SLC35F3: variants seen among roughly 807,000 people sequenced by gnomAD.
SLC35F3 encodes putative thiamine transporter SLC35F3.
A neutral mutation model predicts 49.9 loss-of-function variants in SLC35F3; 25 were observed. That is an observed-to-expected ratio of 0.50 (90% CI 0.37 to 0.70). The LOEUF (loss-of-function observed/expected upper bound fraction) is 0.70, where lower values mean the gene tolerates loss of function less well. Among genes scored for constraint, SLC35F3 ranks in the 30% least tolerant of loss-of-function variants. The pLI is 0.00. For synonymous variants in SLC35F3, 275 were observed against 265.4 expected (o/e 1.04, Z -0.35); for missense variants, 525 against 639.8 (o/e 0.82, Z 1.94).
chr1:233,932,627 T>C (rs190100865), intron 2 of SLC35F3, among the ~76,000 whole-genome samples: 143 of 152,324 alleles, frequency 9.4e-4, no homozygotes, highest in Admixed American at 1.6e-3. Context: ...AGCTATGTTA[T>C]ACCACAATTT....
At chr1:233,940,352 A>G (rs1412295226) in intron 2 of SLC35F3, among the ~76,000 whole-genome samples, 1 of 112,186 alleles carries the variant, frequency 8.9e-6, no homozygotes, top group African/African-American at 3.6e-5. Flanking sequence ...AGGGATACAG[A>G]CACACACACA....
chr1:234,011,775 T>C (rs1663724048), intron 2 of SLC35F3, among the ~76,000 whole-genome samples: 2 of 152,144 alleles, frequency 1.3e-5, no homozygotes, highest in South Asian at 2.1e-4. Flanking sequence ...AACATCACTA[T>C]TCAAGGACCT....
chr1:234,114,851 G>A (rs996146099), intron 2 of SLC35F3, among the ~76,000 whole-genome samples: 2 of 152,094 alleles, frequency 1.3e-5, no homozygotes, highest in African/African-American at 4.8e-5. Context: ...GGGTCATCTT[G>A]AGATGCGGCG....
intron 2 of SLC35F3, among the ~76,000 whole-genome samples, chr1:233,965,058 A>G (rs1170826242): frequency 1.3e-5 from 2 of 152,204 alleles, no homozygotes; most frequent in Non-Finnish European, 2.9e-5. Context: ...AAAGAAATAC[A>G]GGATTAGGTC....
At chr1:233,969,088 A>G (rs182792807) in intron 2 of SLC35F3, among the ~76,000 whole-genome samples, 1 of 152,108 alleles carries the variant, frequency 6.6e-6, no homozygotes, top group Non-Finnish European at 1.5e-5. Context: ...TCAACCCATA[A>G]CATAGAGTAT....
chr1:234,282,560 C>T (rs1468426331), intron 3 of SLC35F3, among the ~76,000 whole-genome samples: 2 of 152,202 alleles, frequency 1.3e-5, no homozygotes, highest in Non-Finnish European at 2.9e-5. Flanking sequence ...GCCCCAGCGA[C>T]CAGGTGTGTC....
intron 2 of SLC35F3, among the ~76,000 whole-genome samples, chr1:234,207,538 A>T (rs371861305): frequency 2.3e-5 from 2 of 87,232 alleles, no homozygotes; most frequent in East Asian, 6.5e-4. Flanking sequence ...TGACAATTGT[A>T]ATACCTAGGA....
chr1:234,100,315 T>C lies in SLC35F3; in HGVS notation c.284-131102T>C, dbSNP rs535889270. ...TTCTCCAACGTCTGCCGAGAAACAGTCCCTCAGGCTTTGCTACAATATTTC... is the reference window on the plus strand; with the variant it reads ...TTCTCCAACGTCTGCCGAGAAACAGCCCCTCAGGCTTTGCTACAATATTTC... On this transcript the variant is annotated intron_variant, in intron 2 of 7. Transcript: ENST00000366618. Among the ~76,000 whole-genome samples, 84 of 152,308 alleles carry C rather than the reference T, an allele frequency of 5.5e-4. No individual in the cohort carries two copies. The South Asian group carries it at 0.017, about 30-fold the overall frequency.
chr1:234,106,274 G>A (rs918128578), intron 2 of SLC35F3, among the ~76,000 whole-genome samples: 2 of 152,226 alleles, frequency 1.3e-5, no homozygotes, highest in African/African-American at 4.8e-5. Flanking sequence ...AGTGTCTGCT[G>A]GGGACTTCTG....
intron 3 of SLC35F3, among the ~76,000 whole-genome samples, chr1:234,292,643 G>A (rs539538961): frequency 6.6e-6 from 1 of 152,320 alleles, no homozygotes; most frequent in Non-Finnish European, 1.5e-5. Context: ...GTCTTGGAAT[G>A]GGAAAGGGCC....
At chr1:234,047,698 T>C (rs1481940077) in intron 2 of SLC35F3, among the ~76,000 whole-genome samples, 2 of 151,162 alleles carry the variant, frequency 1.3e-5, no homozygotes, top group Non-Finnish European at 3.0e-5. Context: ...CACACATACA[T>C]ACACACACAC....
chr1:234,114,624 T>A, intron 2 of SLC35F3, among the ~76,000 whole-genome samples: 1 of 152,236 alleles, frequency 6.6e-6, no homozygotes, highest in East Asian at 1.9e-4. Context: ...AGAATTGAGA[T>A]TTAATTCTTT....
intron 2 of SLC35F3, among the ~76,000 whole-genome samples, chr1:234,140,991 T>G (rs1471823267): frequency 6.6e-6 from 1 of 152,182 alleles, no homozygotes; most frequent in African/African-American, 2.4e-5. Context: ...AGCTGTTAAT[T>G]GGACTAGATT....
At chr1:234,277,020 T>C (rs1668223262) in intron 3 of SLC35F3, among the ~76,000 whole-genome samples, 1 of 152,216 alleles carries the variant, frequency 6.6e-6, no homozygotes, top group Non-Finnish European at 1.5e-5. Context: ...GGGCTTTCTC[T>C]GAACACTCAT....
chr1:233,999,496 T>C (rs1331851419), intron 2 of SLC35F3, among the ~76,000 whole-genome samples: 10 of 152,212 alleles, frequency 6.6e-5, no homozygotes, highest in Admixed American at 6.5e-4. Context: ...TGATCTCTGC[T>C]GTTCCGTGTG....
intron 2 of SLC35F3, among the ~76,000 whole-genome samples, chr1:234,060,205 T>C (rs1664519761): frequency 6.6e-6 from 1 of 152,220 alleles, no homozygotes. Flanking sequence ...CAAAGCATGT[T>C]CTCCTACTGT....
chr1:234,078,478 C>T (rs1664829132), intron 2 of SLC35F3, among the ~76,000 whole-genome samples: 1 of 152,206 alleles, frequency 6.6e-6, no homozygotes, highest in African/African-American at 2.4e-5. Flanking sequence ...CTTCAGTGAA[C>T]TCATCTTCCG....
intron 2 of SLC35F3, among the ~76,000 whole-genome samples, chr1:234,050,204 A>T (rs1422705708): frequency 6.6e-6 from 1 of 152,214 alleles, no homozygotes; most frequent in Non-Finnish European, 1.5e-5. Context: ...ATCCTTGAGG[A>T]ATCGCCACAC....
chr1:234,140,004 T>TAAAATAAAATAAAATA lies in SLC35F3; in HGVS notation c.284-91411_284-91410insAATAAAATAAAATAAA, dbSNP rs1194690061. 2.2e-4 allele frequency among the ~76,000 whole-genome samples: 33 copies of TAAAATAAAATAAAATA among 147,168 alleles called. 1 individual carries two copies. Among genetic ancestry groups the TAAAATAAAATAAAATA allele is most frequent in the East Asian group, 3.9e-4 (2 of 5,166 alleles). On this transcript the variant is annotated intron_variant, in intron 2 of 7. Transcript: ENST00000366618. Reference sequence around the variant, plus strand: ...TAAAATAAAATAAAATAAAATAAAGTAAGTGACTTGAACACAAGTACTGAG... The same window carrying TAAAATAAAATAAAATA: ...TAAAATAAAATAAAATAAAATAAAGTAAAATAAAATAAAATAAAGTGACTTGAACACAAGTACTGAG...
Sources: gnomAD v4.1 joint callset for allele counts (sites outside exome capture counted in the v4.1 genomes callset) on GRCh38, gnomAD v4.1.1 for gene constraint, MANE v1.5 for transcripts, NCBI Gene and HGNC (gene_info 2026-07-23, HGNC 2026-07-21) for gene names.